Variants in KRT13 observed in about 807,000 individuals in gnomAD.
KRT13 encodes the protein keratin, type I cytoskeletal 13.
KRT13 carries 27 observed loss-of-function variants against 40.6 expected under a neutral mutation model. The ratio of observed to expected loss-of-function variants is 0.67; its 90% CI spans 0.49 to 0.92. The LOEUF (loss-of-function observed/expected upper bound fraction) is 0.92, where lower values mean the gene tolerates loss of function less well. KRT13 is among the 40% of genes least tolerant of loss of function. KRT13 has a pLI of 0.00. For synonymous variants in KRT13, 266 were observed against 240.3 expected (o/e 1.11, Z -0.99); for missense variants, 605 against 611.5 (o/e 0.99, Z 0.11).
Position 41,502,554 on chromosome 17 carries a change from C to A in KRT13, c.1064G>T (p.Arg355Leu). The A allele has an allele frequency of 6.2e-7, 1 of 1,613,792 alleles. No individual in the cohort carries two copies. The highest frequency in any genetic ancestry group is 8.5e-7 in the Non-Finnish European group (1 of 1,180,020). ...LENTVAETEC[R>L]YALQLQQIQG... The stretch of plus-strand genomic sequence containing the variant: ...GATCTGCTGCAGCTGCAGGGCATAG[C>A]GGCACTCCGTCTCTGCCACCGTGTT... The change falls in exon 6 of 8, where the codon CGC becomes CTC. Residue 355 changes from arginine to leucine, a missense_variant. Transcript: ENST00000246635.
At chr17:41,503,174 T>C in intron 3 of KRT13, 76 bp from the exon 4 acceptor site, 1 of 1,603,638 alleles carries the variant, frequency 6.2e-7, no homozygotes, top group Non-Finnish European at 8.5e-7. Context: ...GGCAGAGTGT[T>C]CTGGAGAGTG....
chr17:41,501,232 A>G lies in KRT13; in HGVS notation c.*24T>C. ...CTCTCCTCCTCTGGGTGCTGAAGAC[A>G]GAGGGAGGGGACGCCAGGCAGATTT... On this transcript the variant is annotated 3_prime_UTR_variant, in exon 8 of 8. Transcript: ENST00000246635. 1.3e-6 allele frequency: 2 copies of G among 1,494,150 alleles called. No homozygotes were observed. The highest frequency in any genetic ancestry group is 1.8e-6 in the Non-Finnish European group (2 of 1,095,610). The allele number at this position is 1,494,150 out of a possible 1,614,324, so 92.6% of individuals were successfully genotyped here.
chr17:41,505,579 G>A lies in KRT13; in HGVS notation c.-29C>T. 1.5e-5 allele frequency: 24 copies of A among 1,613,768 alleles called. No homozygotes were observed. Among genetic ancestry groups the A allele is most frequent in the Non-Finnish European group, 2.0e-5 (24 of 1,180,034 alleles). The stretch of plus-strand genomic sequence containing the variant: ...GAGAGCAGGATTGAGAGCAGGTGCA[G>A]ATAGAAGCTTGCTTGGCCTGGGCCG... On this transcript the variant is annotated 5_prime_UTR_variant, in exon 1 of 8. Coordinates refer to ENST00000246635, the MANE Select transcript of KRT13 (RefSeq NM_153490.3).
rs943391538 is a variant in KRT13, at chr17:41,501,202, C to T, written c.*54G>A. ...CCTCCTCTCTCCTGCAGGGAACTGC[C>T]GGCTCTCTCCTCCTCTGGGTGCTGA... is the stretch of plus-strand genomic sequence containing the variant. On this transcript the variant is annotated 3_prime_UTR_variant, in exon 8 of 8. Transcript: ENST00000246635. The T allele has an allele frequency of 4.2e-5, 55 of 1,324,544 alleles. 1 individual carries two copies. The Admixed American group carries it at 4.4e-4, about 11-fold the overall frequency. 82.0% of individuals were successfully genotyped at this position (1,324,544 alleles called of 1,614,324 possible).
chr17:41,502,162 T>C (rs1597761455), intron 6 of KRT13: 1 of 1,457,464 alleles, frequency 6.9e-7, no homozygotes, highest in East Asian at 2.5e-5. Context: ...GTTCCCTCCA[T>C]GGTCTCTGTT....
intron 1 of KRT13, 62 bp from the exon 2 acceptor site, chr17:41,503,787 G>A: frequency 1.6e-6 from 2 of 1,248,672 alleles, no homozygotes; most frequent in Non-Finnish European, 2.4e-6. Flanking sequence ...GGCTTCCCTG[G>A]GCCACATTGG....
chr17:41,502,995 T>C lies in KRT13; in HGVS notation c.839A>G (p.Gln280Arg), dbSNP rs1376941066. 4 of 1,614,238 alleles carry C rather than the reference T, an allele frequency of 2.5e-6. No individual in the cohort carries two copies. The highest frequency in any genetic ancestry group is 2.2e-5 in the East Asian group (1 of 44,886). ...LTRVLAEMRE[Q>R]YEAMAERNRR... ...GTTCCTCTCTGCCATGGCCTCGTAC[T>C]GCTCCCTCATCTCTGCCAGCACGCG... Residue 280 changes from glutamine to arginine, a missense_variant, in exon 4 of 8, where the codon CAG (glutamine) becomes CGG (arginine). Coordinates refer to ENST00000246635, the MANE Select transcript of KRT13 (RefSeq NM_153490.3).
At chr17:41,501,795 T>C in intron 6 of KRT13, 51 bp from the exon 7 acceptor site, 1 of 1,574,288 alleles carries the variant, frequency 6.4e-7, no homozygotes, top group Non-Finnish European at 8.6e-7. Flanking sequence ...TGAGGGCAGG[T>C]GCTTACCTGT....
Position 41,503,312 on chromosome 17 carries a change from G to A in KRT13, c.710C>T (p.Ala237Val). Reference protein sequence around the residue: ...MQIESLNEELAYMKKNHEEEM... With the variant: ...MQIESLNEELVYMKKNHEEEM... ...CTCTTCATGGTTCTTCTTCATGTAG[G>A]CTAGCTCTTCATTCAGGCTCTCGAT... is the stretch of plus-strand genomic sequence containing the variant. The change falls in exon 3 of 8, where the codon GCC becomes GTC. Residue 237 changes from alanine to valine, a missense_variant. Ala to Val is a moderately conservative substitution (Grantham distance 64, BLOSUM62 0). Transcript: ENST00000246635. 6.2e-7 allele frequency: 1 copy of A among 1,614,190 alleles called. No individual in the cohort carries two copies. Among genetic ancestry groups the A allele is most frequent in the Non-Finnish European group, 8.5e-7 (1 of 1,180,014 alleles).
At position 41,503,295 on chromosome 17, in the gene KRT13, G is replaced by C; in HGVS notation, c.727C>G (p.His243Asp). 6.2e-7 allele frequency: 1 copy of C among 1,614,162 alleles called. No homozygotes were observed. Among genetic ancestry groups the C allele is most frequent in the Middle Eastern group, 1.7e-4 (1 of 6,056 alleles). The change falls in exon 3 of 8, where the codon CAT becomes GAT. Residue 243 changes from histidine to aspartate, a missense_variant. By Grantham distance (81) the His-to-Asp change is moderately conservative (BLOSUM62 -1). Transcript: ENST00000246635. Reference protein sequence around the residue: ...NEELAYMKKNHEEEMKEFSNQ... With the variant: ...NEELAYMKKNDEEEMKEFSNQ... Reference sequence around the variant, plus strand: ...CTGCAATTCCCGCTCACCTCTTCATGGTTCTTCTTCATGTAGGCTAGCTCT... The same window carrying C: ...CTGCAATTCCCGCTCACCTCTTCATCGTTCTTCTTCATGTAGGCTAGCTCT...
intron 6 of KRT13, 134 bp downstream of exon 6, chr17:41,502,240 A>G: frequency 6.3e-7 from 1 of 1,595,182 alleles, no homozygotes; most frequent in East Asian, 2.3e-5. Context: ...CCTACCAAGG[A>G]AATGTCCCCG....
Position 41,501,164 on chromosome 17 carries a change from G to A in KRT13, c.*92C>T, listed in dbSNP as rs1430288134. ...CCTGAGAGCAGAGGGACTGAGCCTT[G>A]GGTCCAGCAGCCCCTCCTCTCTCCT... On this transcript the variant is annotated 3_prime_UTR_variant, in exon 8 of 8. Coordinates refer to ENST00000246635, the MANE Select transcript of KRT13 (RefSeq NM_153490.3). 1.1e-6 allele frequency: 1 copy of A among 890,770 alleles called. No homozygotes were observed. The highest frequency in any genetic ancestry group is 1.7e-5 in the African/African-American group (1 of 59,928). The allele number at this position is 890,770 out of a possible 1,614,324, so 55.2% of individuals were successfully genotyped here.
intron 1 of KRT13, chr17:41,504,464 A>G (rs753865253): frequency 2.4e-4 from 37 of 156,816 alleles, no homozygotes; most frequent in Non-Finnish European, 4.5e-4. Context: ...AAAGCAGTGA[A>G]AGCCTGCTCC....
chr17:41,502,131 C>A, intron 6 of KRT13: 1 of 1,437,106 alleles, frequency 7.0e-7, no homozygotes, highest in Non-Finnish European at 9.1e-7. Context: ...TATCCAAGCT[C>A]ATGTTTTTCC....
chr17:41,501,134 G>A lies in KRT13; in HGVS notation c.*122C>T. ...CACCATCAGGAGAGAGTCAGGACAG[G>A]GGGTCCTGAGAGCAGAGGGACTGAG... On this transcript the variant is annotated 3_prime_UTR_variant, in exon 8 of 8. Transcript: ENST00000246635. 1.4e-6 allele frequency: 1 copy of A among 698,446 alleles called. No homozygotes were observed. The highest frequency in any genetic ancestry group is 2.6e-6 in the Non-Finnish European group (1 of 385,078). The allele number at this position is 698,446 out of a possible 1,614,324, so 43.3% of individuals were successfully genotyped here.
At chr17:41,501,985 G>C in intron 6 of KRT13, 1 of 1,430,656 alleles carries the variant, frequency 7.0e-7, no homozygotes, top group African/African-American at 1.4e-5. Context: ...AAGATTCAGG[G>C]TGTTTGTCTT....
chr17:41,501,757 A>T lies in KRT13; in HGVS notation c.1245-13T>A. The T allele has an allele frequency of 6.3e-7, 1 of 1,595,180 alleles. No individual in the cohort carries two copies. Among genetic ancestry groups the T allele is most frequent in the African/African-American group, 1.3e-5 (1 of 74,744 alleles). ...GAAACCAATCATCCTGGGAGAGAGG[A>T]CAGAGGTGGCCATGAGCAGAGGGTA... On this transcript the variant is annotated splice_polypyrimidine_tract_variant and intron_variant, in intron 6 of 7. Transcript: ENST00000246635.
chr17:41,503,856 C>A, intron 1 of KRT13, 131 bp from the exon 2 acceptor site: 2 of 740,832 alleles, frequency 2.7e-6, no homozygotes, highest in Non-Finnish European at 4.8e-6. Flanking sequence ...AGCTGATGGG[C>A]TAAAAAGAAA....
rs1904840854 is a variant in KRT13 at position 41,501,310 on chromosome 17, AAC to A, written c.1321_1322del (p.Val441TyrfsTer5). ...TSVTTTSSAS[V>X]TTTSNASGRR... is the part of the protein sequence containing the mutation. ...GACCAGAGGCATTAGAGGTGGTGGTAACAGAGGCACTAGAAGTCGTGGTAACA... is the reference window on the plus strand; with the variant it reads ...GACCAGAGGCATTAGAGGTGGTGGTAAGAGGCACTAGAAGTCGTGGTAACA... On this transcript the variant is annotated frameshift_variant, in exon 8 of 8. Coordinates refer to ENST00000246635, the MANE Select transcript of KRT13 (RefSeq NM_153490.3). LOFTEE classifies it low-confidence loss of function (END_TRUNC). 2.5e-6 allele frequency: 4 copies of A among 1,577,254 alleles called. No homozygotes were observed. Among genetic ancestry groups the A allele is most frequent in the Non-Finnish European group, 3.4e-6 (4 of 1,161,482 alleles).
Sources: allele counts gnomAD v4.1 joint callset, GRCh38; gene constraint gnomAD v4.1.1; transcripts MANE v1.5; gene names NCBI Gene and HGNC (gene_info 2026-07-23, HGNC 2026-07-21).